The following CNNM3 variants were observed in gnomAD, a reference collection of about 807,000 sequenced individuals.
The protein encoded by CNNM3 is metal transporter CNNM3.
A neutral mutation model predicts 57.1 loss-of-function variants in CNNM3; 47 were observed. The observed-to-expected ratio is 0.82, with a 90% confidence interval of 0.65 to 1.05. CNNM3 has a LOEUF of 1.05. Among genes scored for constraint, CNNM3 ranks in the 50% least tolerant of loss-of-function variants. The pLI is 0.00. For missense variants in CNNM3, 957 were observed against 973.7 expected (o/e 0.98, Z 0.23); for synonymous variants, 507 against 478.2 (o/e 1.06, Z -0.79).
chr2:96,819,374 G>A (rs1012398920), intron 1 of CNNM3, among the ~76,000 whole-genome samples: 10 of 152,206 alleles, frequency 6.6e-5, no homozygotes, highest in Non-Finnish European at 4.4e-5. Context: ...CTCTTGTGGT[G>A]CAAAGTCCTC....
chr2:96,830,617 C>T (rs776103400), intron 7 of CNNM3, among the ~76,000 whole-genome samples: 20 of 152,208 alleles, frequency 1.3e-4, no homozygotes, highest in Non-Finnish European at 2.4e-4. Flanking sequence ...AAAAAGGCAG[C>T]GGGTGAGGTC....
Position 96,832,930 on chromosome 2 carries a change from A to G in CNNM3, c.*314A>G, listed in dbSNP as rs768392467. Reference sequence around the variant, plus strand: ...CTTCCCCTTCTCCCCCGGGGCAGGGACAGTGCGGCATATTCAGATTCAGAC... The same window carrying G: ...CTTCCCCTTCTCCCCCGGGGCAGGGGCAGTGCGGCATATTCAGATTCAGAC... On this transcript the variant is annotated 3_prime_UTR_variant, in exon 8 of 8. Coordinates refer to ENST00000305510, the MANE Select transcript of CNNM3 (RefSeq NM_017623.5). 1.9e-5 allele frequency: 27 copies of G among 1,413,684 alleles called. No individual in the cohort carries two copies. The highest frequency in any genetic ancestry group is 2.4e-5 in the Non-Finnish European group (26 of 1,069,230). 87.6% of individuals were successfully genotyped at this position (1,413,684 alleles called of 1,614,324 possible). A position where few individuals can be genotyped will look rare whatever the true frequency, so the allele number is the denominator to read the frequency against.
chr2:96,821,781 A>G (rs1363978982), intron 1 of CNNM3, among the ~76,000 whole-genome samples: 3 of 152,240 alleles, frequency 2.0e-5, no homozygotes, highest in African/African-American at 4.8e-5. Flanking sequence ...GCAGTTGGGC[A>G]AAGTCATCTA....
chr2:96,820,212 G>C (rs2079386442), intron 1 of CNNM3, among the ~76,000 whole-genome samples: 1 of 152,198 alleles, frequency 6.6e-6, no homozygotes, highest in East Asian at 1.9e-4. Flanking sequence ...AGCCCCAAGA[G>C]GGCAGCAGAG....
At chr2:96,836,691 C>T (rs1381324117), downstream of CNNM3, 1 of 152,206 alleles carries the variant, frequency 6.6e-6, no homozygotes, top group Non-Finnish European at 1.5e-5. Context: ...TCTTTTCACC[C>T]TCTTAACAGG....
At position 96,832,687 on chromosome 2, in the gene CNNM3, G is replaced by A. The variant is rs1438097669; in HGVS notation, c.*71G>A. On this transcript the variant is annotated 3_prime_UTR_variant, in exon 8 of 8. Transcript: ENST00000305510. ...GGGAGCTGGAGTGAGCTGAGCAGAA[G>A]TTTTGTGCCCGCCTGCCCCCATCCC... 1 of 1,599,892 alleles carries A rather than the reference G, an allele frequency of 6.3e-7. No homozygotes were observed. The highest frequency in any genetic ancestry group is 8.5e-7 in the Non-Finnish European group (1 of 1,177,022).
chr2:96,819,644 T>C (rs934421213), intron 1 of CNNM3, among the ~76,000 whole-genome samples: 1 of 152,162 alleles, frequency 6.6e-6, no homozygotes, highest in African/African-American at 2.4e-5. Context: ...GCTGTCCTTT[T>C]GGTGTTCAAA....
chr2:96,835,689 G>A (rs1015607696), downstream of CNNM3, among the ~76,000 whole-genome samples: 11 of 151,992 alleles, frequency 7.2e-5, no homozygotes, highest in South Asian at 4.1e-4. Context: ...GGATGGTCTC[G>A]ATCTCCTGAC....
In CNNM3 at chr2:96,826,995, G is replaced by C. The variant is rs942087139; in HGVS notation, c.1519+13G>C. 2.5e-6 allele frequency: 4 copies of C among 1,612,574 alleles called. No individual in the cohort carries two copies. The highest frequency in any genetic ancestry group is 3.4e-6 in the Non-Finnish European group (4 of 1,179,334). On this transcript the variant is annotated intron_variant, in intron 3 of 7. Coordinates refer to ENST00000305510, the MANE Select transcript of CNNM3 (RefSeq NM_017623.5). Reference sequence around the variant, plus strand: ...TTCCTGTCCCGAGGTGAGGCGGGAGGGTGGTCCATGCCCCCTGCTCTCCTC... The same window carrying C: ...TTCCTGTCCCGAGGTGAGGCGGGAGCGTGGTCCATGCCCCCTGCTCTCCTC...
At chr2:96,819,637 G>A (rs1384323278) in intron 1 of CNNM3, among the ~76,000 whole-genome samples, 2 of 152,146 alleles carry the variant, frequency 1.3e-5, no homozygotes, top group Non-Finnish European at 2.9e-5. Flanking sequence ...GACTGTAGCT[G>A]TCCTTTTGGT....
At chr2:96,822,821 A>G (rs1240041945) in intron 1 of CNNM3, among the ~76,000 whole-genome samples, 3 of 152,228 alleles carry the variant, frequency 2.0e-5, no homozygotes, top group Non-Finnish European at 4.4e-5. Flanking sequence ...ACATCATAGA[A>G]ATTGGGCATT....
At chr2:96,829,380 A>G (rs1187706709) in intron 7 of CNNM3, 2 of 280,982 alleles carry the variant, frequency 7.1e-6, no homozygotes, top group Non-Finnish European at 1.0e-5. Flanking sequence ...GGCTCACTGC[A>G]ACCTCCGGCT....
In CNNM3 at chr2:96,827,751, C is replaced by T; in HGVS notation, c.1540C>T (p.Leu514=). 6.2e-7 allele frequency: 1 copy of T among 1,614,050 alleles called. No homozygotes were observed. The highest frequency in any genetic ancestry group is 8.5e-7 in the Non-Finnish European group (1 of 1,179,940). Residue 514 remains leucine (L), a synonymous_variant, in exon 4 of 8, where the codon CTG becomes TTG. Coordinates refer to ENST00000305510, the MANE Select transcript of CNNM3 (RefSeq NM_017623.5). ...TGCAGAAGTGGATGTATTCAGCCCG[C>T]TGCGCATCTCTGAGAAGGTCCTGCT... The part of the protein sequence containing the change: ...LSREVDVFSP[L]RISEKVLLHL...
At chr2:96,827,631 C>T in intron 3 of CNNM3, 100 bp from the exon 4 acceptor site, 2 of 1,273,008 alleles carry the variant, frequency 1.6e-6, no homozygotes, top group Non-Finnish European at 2.2e-6. Context: ...CGGGAGATCC[C>T]TGGTGGGCAC....
At chr2:96,830,789 A>G (rs939555995) in intron 7 of CNNM3, among the ~76,000 whole-genome samples, 1 of 152,190 alleles carries the variant, frequency 6.6e-6, no homozygotes, top group Non-Finnish European at 1.5e-5. Context: ...CAGCCTCCAA[A>G]GTAGCTGGAC....
chr2:96,835,976 C>CTGAT (rs1267451006), downstream of CNNM3, among the ~76,000 whole-genome samples: 3 of 152,102 alleles, frequency 2.0e-5, no homozygotes, highest in Non-Finnish European at 4.4e-5. Flanking sequence ...CACCCATTTT[C>CTGAT]TGATTGGATT....
chr2:96,819,631 G>C (rs1396316488), intron 1 of CNNM3, among the ~76,000 whole-genome samples: 1 of 152,120 alleles, frequency 6.6e-6, no homozygotes, highest in Non-Finnish European at 1.5e-5. Context: ...GTGGAAGACT[G>C]TAGCTGTCCT....
At position 96,816,659 on chromosome 2, in the gene CNNM3, G is replaced by C; in HGVS notation, c.382G>C (p.Ala128Pro). ...AVRVEPGGGA[A>P]EEAAPPWALG... ...GCGCGTGGAGCCGGGTGGCGGGGCGGCTGAGGAGGCGGCGCCGCCCTGGGC... is the reference window on the plus strand; with the variant it reads ...GCGCGTGGAGCCGGGTGGCGGGGCGCCTGAGGAGGCGGCGCCGCCCTGGGC... Residue 128 changes from alanine to proline, a missense_variant, in exon 1 of 8, where the codon GCT (alanine) becomes CCT (proline). Transcript: ENST00000305510. 1 of 1,054,852 alleles carries C rather than the reference G, an allele frequency of 9.5e-7. No homozygotes were observed. The highest frequency in any genetic ancestry group is 1.1e-6 in the Non-Finnish European group (1 of 877,048). 65.3% of individuals were successfully genotyped at this position (1,054,852 alleles called of 1,614,324 possible). A position where few individuals can be genotyped will look rare whatever the true frequency, so the allele number is the denominator to read the frequency against.
At chr2:96,823,512 C>T (rs1310943926) in intron 1 of CNNM3, among the ~76,000 whole-genome samples, 1 of 152,180 alleles carries the variant, frequency 6.6e-6, no homozygotes, top group African/African-American at 2.4e-5. Context: ...TCTAGAAACG[C>T]GGTTCAGCAG....
Sources: allele counts gnomAD v4.1 joint callset (sites outside exome capture counted in the v4.1 genomes callset), GRCh38; gene constraint gnomAD v4.1.1; transcripts MANE v1.5; gene names NCBI Gene and HGNC (gene_info 2026-07-23, HGNC 2026-07-21).